The following CDH18 variants were observed in gnomAD, a reference collection of about 807,000 sequenced individuals.
CDH18 encodes the protein cadherin-18.
In CDH18, 31 loss-of-function variants were observed where a neutral mutation model predicts 67.9. The observed-to-expected ratio is 0.46, with a 90% CI of 0.34 to 0.62. CDH18 has a LOEUF of 0.62. Ranked by LOEUF, CDH18 falls within the 20% of genes least tolerant of loss-of-function variation. The probability of loss-of-function intolerance (pLI) is 0.01; values close to 1 mark genes in which losing one functional copy is unlikely to be tolerated. For synonymous variants in CDH18, 362 were observed against 347.2 expected (o/e 1.04, Z -0.48); for missense variants, 890 against 975.5 (o/e 0.91, Z 1.17).
intron 2 of CDH18, among the ~76,000 whole-genome samples, chr5:20,119,628 A>T (rs1238501116): frequency 6.8e-6 from 1 of 146,066 alleles, no homozygotes; most frequent in Non-Finnish European, 1.5e-5. Context: ...CTATATCCCT[A>T]GGTTAATTTA....
chr5:19,522,697 C>T (rs1191291668), intron 9 of CDH18, among the ~76,000 whole-genome samples: 1 of 151,996 alleles, frequency 6.6e-6, no homozygotes, highest in African/African-American at 2.4e-5. Flanking sequence ...GAGATCGAGA[C>T]CAGCCTGGCC....
At chr5:20,188,086 T>G (rs548767022) in intron 2 of CDH18, among the ~76,000 whole-genome samples, 1 of 152,090 alleles carries the variant, frequency 6.6e-6, no homozygotes, top group African/African-American at 2.4e-5. Flanking sequence ...ATATTCATAC[T>G]ATTTACTTTT....
At chr5:20,249,064 T>C (rs1743603863) in intron 2 of CDH18, among the ~76,000 whole-genome samples, 1 of 152,142 alleles carries the variant, frequency 6.6e-6, no homozygotes, top group African/African-American at 2.4e-5. Flanking sequence ...AACAAAGTAT[T>C]ATTGGAAAAG....
intron 3 of CDH18, among the ~76,000 whole-genome samples, chr5:19,824,409 C>T (rs534688446): frequency 1.1e-4 from 17 of 152,218 alleles, no homozygotes; most frequent in African/African-American, 2.2e-4. Context: ...GGTGAGTGAT[C>T]GAGAGCTCCT....
intron 8 of CDH18, among the ~76,000 whole-genome samples, chr5:19,553,505 A>C (rs1274504732): frequency 1.3e-5 from 2 of 151,904 alleles, no homozygotes; most frequent in Non-Finnish European, 2.9e-5. Context: ...ATGAATGGTA[A>C]AGCAAATGTA....
chr5:19,616,824 CCTG>C (rs1449799113), intron 5 of CDH18, among the ~76,000 whole-genome samples: 9 of 152,134 alleles, frequency 5.9e-5, no homozygotes, highest in Admixed American at 3.3e-4. Context: ...TGATTTTATT[CCTG>C]GTGAGGTGTC....
intron 2 of CDH18, among the ~76,000 whole-genome samples, chr5:19,934,373 C>T (rs563794789): frequency 6.6e-6 from 1 of 151,374 alleles, no homozygotes; most frequent in Admixed American, 6.6e-5. Flanking sequence ...CTAAGCATCC[C>T]TCTTTTAGGG....
chr5:20,478,745 GC>G (rs1752601706), intron 1 of CDH18, among the ~76,000 whole-genome samples: 1 of 152,200 alleles, frequency 6.6e-6, no homozygotes, highest in African/African-American at 2.4e-5. Flanking sequence ...GAGCCCTTGG[GC>G]TTTGAGTGAA....
At chr5:20,329,311 G>A (rs567931806) in intron 1 of CDH18, among the ~76,000 whole-genome samples, 18 of 152,190 alleles carry the variant, frequency 1.2e-4, no homozygotes, top group African/African-American at 4.3e-4. Context: ...ATTTTAGGTA[G>A]TTCTAATATT....
At chr5:20,203,930 G>A (rs1309922108) in intron 2 of CDH18, among the ~76,000 whole-genome samples, 3 of 151,790 alleles carry the variant, frequency 2.0e-5, no homozygotes, top group African/African-American at 7.3e-5. Flanking sequence ...TCAAAGACAG[G>A]CTATTTGAAA....
intron 2 of CDH18, among the ~76,000 whole-genome samples, chr5:20,084,502 C>A (rs1744772207): frequency 6.6e-6 from 1 of 152,122 alleles, no homozygotes; most frequent in Non-Finnish European, 1.5e-5. Flanking sequence ...GAGAGTGACC[C>A]TCTTCTCATA....
chr5:20,303,434 A>G (rs1737460630), intron 1 of CDH18, among the ~76,000 whole-genome samples: 2 of 152,206 alleles, frequency 1.3e-5, no homozygotes, highest in Non-Finnish European at 1.5e-5. Flanking sequence ...ATGAAAATGC[A>G]TGTCCTGAAT....
intron 1 of CDH18, among the ~76,000 whole-genome samples, chr5:20,279,873 A>C (rs960876294): frequency 1.3e-5 from 2 of 152,030 alleles, no homozygotes; most frequent in Admixed American, 6.6e-5. Flanking sequence ...AAGTGGACCT[A>C]ATATATCTTT....
intron 1 of CDH18, among the ~76,000 whole-genome samples, chr5:20,512,288 T>C (rs1289489327): frequency 6.6e-6 from 1 of 152,190 alleles, no homozygotes; most frequent in Non-Finnish European, 1.5e-5. Flanking sequence ...CTTAATTTGA[T>C]AATTTATATT....
At chr5:19,662,045 AG>A (rs1757252060) in intron 5 of CDH18, among the ~76,000 whole-genome samples, 1 of 151,986 alleles carries the variant, frequency 6.6e-6, no homozygotes, top group Admixed American at 6.6e-5. Context: ...CCGTGCCCAT[AG>A]GGTGAACTAA....
chr5:19,952,624 A>T (rs1454633628), intron 2 of CDH18, among the ~76,000 whole-genome samples: 1 of 152,220 alleles, frequency 6.6e-6, no homozygotes, highest in East Asian at 1.9e-4. Flanking sequence ...ATCCTTAAAA[A>T]TAAAACTATT....
At chr5:19,862,725 T>C (rs1349185932) in intron 2 of CDH18, among the ~76,000 whole-genome samples, 2 of 152,242 alleles carry the variant, frequency 1.3e-5, no homozygotes, top group Non-Finnish European at 2.9e-5. Flanking sequence ...CCTATCTATA[T>C]TCATGTTTCC....
At chr5:19,686,536 A>C (rs1376960568) in intron 5 of CDH18, among the ~76,000 whole-genome samples, 1 of 152,166 alleles carries the variant, frequency 6.6e-6, no homozygotes, top group Middle Eastern at 3.2e-3. Context: ...ATGCCTATTT[A>C]TGTGCGCGCA....
intron 2 of CDH18, among the ~76,000 whole-genome samples, chr5:19,926,397 G>A (rs1793092299): frequency 6.6e-6 from 1 of 152,104 alleles, no homozygotes; most frequent in African/African-American, 2.4e-5. Context: ...ACAGACCTCA[G>A]GGCAAAGGTG....
Sources: allele counts gnomAD v4.1 joint callset (sites outside exome capture counted in the v4.1 genomes callset), GRCh38; gene constraint gnomAD v4.1.1; transcripts MANE v1.5; gene names NCBI Gene and HGNC (gene_info 2026-07-23, HGNC 2026-07-21).